The following COL12A1 variants were observed in gnomAD, a reference collection of about 807,000 sequenced individuals.
COL12A1 encodes collagen type XII alpha 1 chain.
COL12A1 carries 114 observed loss-of-function variants against 349.7 expected under a neutral mutation model. The observed-to-expected ratio is 0.33, with a 90% CI of 0.28 to 0.38. The LOEUF (loss-of-function observed/expected upper bound fraction) is 0.38, where lower values mean the gene tolerates loss of function less well. COL12A1 is among the 10% of genes least tolerant of loss of function. The pLI is 1.00. For missense variants in COL12A1, 3,284 were observed against 3,756.9 expected, an observed-to-expected ratio of 0.87 and a Z score of 3.29; for synonymous variants, 1,369 against 1,329.0, an observed-to-expected ratio of 1.03 and a Z score of -0.66.
At chr6:75,099,824 G>A (rs927339725) in intron 58 of COL12A1, among the ~76,000 whole-genome samples, 1 of 152,112 alleles carries the variant, frequency 6.6e-6, no homozygotes, top group African/African-American at 2.4e-5. Flanking sequence ...GACAATCTCT[G>A]TATCTTGTTT....
intron 17 of COL12A1, 120 bp from the exon 18 acceptor site, chr6:75,152,602 G>A: frequency 9.3e-7 from 1 of 1,076,946 alleles, no homozygotes; most frequent in Non-Finnish European, 1.4e-6. Flanking sequence ...CTATGGTCTA[G>A]CTCAGTGATG....
intron 44 of COL12A1, among the ~76,000 whole-genome samples, 169 bp downstream of exon 44, chr6:75,121,133 T>C (rs980146199): frequency 2.6e-5 from 4 of 152,206 alleles, no homozygotes; most frequent in Non-Finnish European, 5.9e-5. Flanking sequence ...TTTCTATTGA[T>C]TTATCATTTA....
intron 26 of COL12A1, 42 bp downstream of exon 26, chr6:75,143,210 G>A (rs1224975485): frequency 6.2e-7 from 1 of 1,608,266 alleles, no homozygotes; most frequent in Non-Finnish European, 8.5e-7. Context: ...AAACCTACTA[G>A]GAAAACAAAT....
chr6:75,093,292 G>A (rs1425018946), intron 60 of COL12A1, among the ~76,000 whole-genome samples: 2 of 152,132 alleles, frequency 1.3e-5, no homozygotes, highest in Non-Finnish European at 2.9e-5. Flanking sequence ...ACAAATATGT[G>A]TTTACTAATG....
Position 75,145,399 on chromosome 6 carries a change from C to T in COL12A1, c.4617G>A (p.Thr1539=), listed in dbSNP as rs557622937. 5.0e-6 allele frequency: 8 copies of T among 1,613,852 alleles called. No individual in the cohort carries two copies. The highest frequency in any genetic ancestry group is 1.3e-5 in the African/African-American group (1 of 74,922). ...CAGCCTGGACTGTGACTGCATACTC[C>T]GTGTTGGGAACAAGGTCAGTCAGCT... is the stretch of plus-strand genomic sequence containing the variant. ...DMQLTDLVPN[T]EYAVTVQAVL... The change falls in exon 25 of 66, where the codon ACG becomes ACA. Residue 1539 remains threonine (T), a synonymous_variant. Coordinates refer to ENST00000322507, the MANE Select transcript of COL12A1 (RefSeq NM_004370.6).
chr6:75,124,016 T>C lies in COL12A1; in HGVS notation c.6803A>G (p.Tyr2268Cys). Residue 2268 changes from tyrosine (Y) to cysteine (C), a missense_variant, in exon 42 of 66, where the codon TAT (tyrosine) becomes TGT (cysteine). Coordinates refer to ENST00000322507, the MANE Select transcript of COL12A1 (RefSeq NM_004370.6). Reference sequence around the variant, plus strand: ...TGTCTGCACAAAAACAGTGACACCATAATCAGTGTCTGGTGAAAGGCCAGT... The same window carrying C: ...TGTCTGCACAAAAACAGTGACACCACAATCAGTGTCTGGTGAAAGGCCAGT... Reference protein sequence around the residue: ...CFTGLSPDTDYGVTVFVQTPN... With the variant: ...CFTGLSPDTDCGVTVFVQTPN... 2 of 1,613,920 alleles carry C rather than the reference T, an allele frequency of 1.2e-6. No homozygotes were observed. The highest frequency in any genetic ancestry group is 1.7e-6 in the Non-Finnish European group (2 of 1,179,830).
chr6:75,113,172 GA>G, intron 51 of COL12A1, 31 bp downstream of exon 51: 1 of 1,160,922 alleles, frequency 8.6e-7, no homozygotes, highest in Non-Finnish European at 1.2e-6. Context: ...TTTTTTTCTA[GA>G]AATAAGACTC....
At chr6:75,187,541 T>C (rs1769693516) in intron 8 of COL12A1, among the ~76,000 whole-genome samples, 1 of 152,052 alleles carries the variant, frequency 6.6e-6, no homozygotes, top group African/African-American at 2.4e-5. Context: ...GCAAAAAGGT[T>C]AGACAGTAGA....
chr6:75,103,823 G>C lies in COL12A1; in HGVS notation c.8266-13C>G, dbSNP rs781091707. 2.5e-6 allele frequency: 4 copies of C among 1,610,062 alleles called. No homozygotes were observed. Among genetic ancestry groups the C allele is most frequent in the Non-Finnish European group, 3.4e-6 (4 of 1,176,832 alleles). Reference sequence around the variant, plus strand: ...CACCAGGTCCTCCCTAAAATACATAGAGCACATAGTAGTGTGAACATAGGA... The same window carrying C: ...CACCAGGTCCTCCCTAAAATACATACAGCACATAGTAGTGTGAACATAGGA... On this transcript the variant is annotated splice_polypyrimidine_tract_variant and intron_variant, in intron 54 of 65. Coordinates refer to ENST00000322507, the MANE Select transcript of COL12A1 (RefSeq NM_004370.6).
chr6:75,089,515 A>G (rs1261432720), intron 63 of COL12A1, among the ~76,000 whole-genome samples: 1 of 152,250 alleles, frequency 6.6e-6, no homozygotes, highest in East Asian at 1.9e-4. Context: ...TATCTTTAGT[A>G]GCCCTATTAG....
intron 59 of COL12A1, among the ~76,000 whole-genome samples, chr6:75,095,678 C>CAACT (rs1193612440): frequency 6.7e-6 from 1 of 149,664 alleles, no homozygotes; most frequent in African/African-American, 2.5e-5. Context: ...AAACTCTTGA[C>CAACT]AACTACAGTG....
chr6:75,099,763 T>C (rs1395188025), intron 58 of COL12A1, among the ~76,000 whole-genome samples: 2 of 152,196 alleles, frequency 1.3e-5, no homozygotes, highest in Admixed American at 1.3e-4. Context: ...TTTTTTTACT[T>C]TCTAATAGCC....
At chr6:75,199,038 C>T (rs560881144) in intron 2 of COL12A1, among the ~76,000 whole-genome samples, 4 of 152,150 alleles carry the variant, frequency 2.6e-5, no homozygotes, top group Non-Finnish European at 5.9e-5. Context: ...TTTGAGTTTT[C>T]AAGGTACCAT....
rs73749968 is a variant in COL12A1 at position 75,141,738 on chromosome 6, G to T, written c.4957+294C>A. On this transcript the variant is annotated intron_variant, in intron 27 of 65. Transcript: ENST00000322507. ...TGTGCAACATACGTCAAGAAAACTT[G>T]CCCACCCCACTACACATACATGCAC... Among the ~76,000 whole-genome samples the T allele has an allele frequency of 4.1e-3, 626 of 152,208 alleles. 4 individuals carry two copies. Among genetic ancestry groups the T allele is most frequent in the African/African-American group, 0.014 (600 of 41,532 alleles).
In COL12A1 at chr6:75,192,317, T is replaced by C; in HGVS notation, c.229A>G (p.Thr77Ala). 6.2e-7 allele frequency: 1 copy of C among 1,611,704 alleles called. No homozygotes were observed. Among genetic ancestry groups the C allele is most frequent in the Non-Finnish European group, 8.5e-7 (1 of 1,178,538 alleles). ...TKEFTLSAST[T>A]ETLLSELVPE... ...ACAAGTTCTGACAATAAAGTTTCAG[T>C]GGTACTAGCTGAAAGGGTAAATTCT... Residue 77 changes from threonine (T) to alanine (A), a missense_variant, in exon 4 of 66, where the codon ACT becomes GCT. Around this residue, in one of 2 missense-constraint regions of COL12A1, gnomAD observed 2,601 missense variants for 2,824.8 expected, o/e 0.92. Coordinates refer to ENST00000322507, the MANE Select transcript of COL12A1 (RefSeq NM_004370.6).
At chr6:75,187,157 A>AATAT (rs35075147) in intron 8 of COL12A1, among the ~76,000 whole-genome samples, 67 of 143,392 alleles carry the variant, frequency 4.7e-4, no homozygotes, top group African/African-American at 1.4e-3. Flanking sequence ...AAAATAAATA[A>AATAT]ATATATATAT....
At chr6:75,189,869 A>T in intron 5 of COL12A1, 54 bp from the exon 6 acceptor site, 1 of 1,576,742 alleles carries the variant, frequency 6.3e-7, no homozygotes, top group South Asian at 1.2e-5. Flanking sequence ...CAACTCATCA[A>T]TACATGTTAA....
Position 75,165,719 on chromosome 6 carries a change from T to C in COL12A1, c.2771A>G (p.Tyr924Cys). Reference protein sequence around the residue: ...KDITDTSIGAYWTSAPGMVRG... With the variant: ...KDITDTSIGACWTSAPGMVRG... ...AACCATTCCTGGAGCAGATGTCCAA[T>C]AAGCCCCAATTGATGTGTCAGTGAT... The change falls in exon 14 of 66, where the codon TAT becomes TGT. Residue 924 changes from tyrosine to cysteine, a missense_variant. This residue lies in a region of COL12A1 where 2,601 missense variants were observed against 2,824.8 expected (regional missense o/e 0.92). Transcript: ENST00000322507. 1.9e-6 allele frequency: 3 copies of C among 1,614,006 alleles called. No individual in the cohort carries two copies. Among genetic ancestry groups the C allele is most frequent in the East Asian group, 2.2e-5 (1 of 44,878 alleles).
At chr6:75,097,039 T>TTTTCTC (rs1158252927) in intron 59 of COL12A1, among the ~76,000 whole-genome samples, 4 of 152,248 alleles carry the variant, frequency 2.6e-5, no homozygotes, top group African/African-American at 7.2e-5. Context: ...TTCTTTTTCT[T>TTTTCTC]TTTCTCAAGT....
Sources: allele counts gnomAD v4.1 joint callset (sites outside exome capture counted in the v4.1 genomes callset), GRCh38; gene constraint gnomAD v4.1.1; regional missense constraint gnomAD v4.1.1; transcripts MANE v1.5; gene names NCBI Gene and HGNC (gene_info 2026-07-23, HGNC 2026-07-21).